Variants in SAMTOR observed in about 807,000 individuals in gnomAD.
The protein encoded by SAMTOR is UPF0532 protein C7orf60.
chr7:112,864,141 G>A, the SAMTOR span, among the ~76,000 whole-genome samples: 2 of 152,112 alleles, frequency 1.3e-5, no homozygotes, highest in Admixed American at 6.5e-5. Context: ...AACTAACGCA[G>A]GAACAGAAAA....
At chr7:112,887,227 C>T in the SAMTOR span, among the ~76,000 whole-genome samples, 2 of 150,340 alleles carry the variant, frequency 1.3e-5, no homozygotes, top group African/African-American at 4.9e-5. Context: ...TTAAAAAGAT[C>T]GTATTAAACA....
the SAMTOR span, among the ~76,000 whole-genome samples, chr7:112,838,108 TGAGA>T: frequency 6.6e-6 from 1 of 151,876 alleles, no homozygotes; most frequent in African/African-American, 2.4e-5. Flanking sequence ...GGTGTTTGTG[TGAGA>T]GAGCGGAAAC....
At chr7:112,842,692 T>C in the SAMTOR span, among the ~76,000 whole-genome samples, 3 of 152,002 alleles carry the variant, frequency 2.0e-5, no homozygotes. Flanking sequence ...TGAAAGTGTA[T>C]GTAAATAAAC....
the SAMTOR span, among the ~76,000 whole-genome samples, chr7:112,867,288 G>A: frequency 6.6e-6 from 1 of 152,160 alleles, no homozygotes; most frequent in Non-Finnish European, 1.5e-5. Context: ...CACTGGACAC[G>A]TAATTGAAAA....
the SAMTOR span, among the ~76,000 whole-genome samples, chr7:112,907,587 T>A: frequency 6.8e-6 from 1 of 148,038 alleles, no homozygotes; most frequent in Non-Finnish European, 1.5e-5. Flanking sequence ...TATAAAGAGC[T>A]CCAAAAAAAT....
the SAMTOR span, among the ~76,000 whole-genome samples, chr7:112,839,970 ACAAT>A: frequency 6.6e-6 from 1 of 151,838 alleles, no homozygotes; most frequent in Non-Finnish European, 1.5e-5. Context: ...TCAGAGTCTG[ACAAT>A]CTATGTTTTA....
At chr7:112,901,143 AG>A in the SAMTOR span, among the ~76,000 whole-genome samples, 1 of 152,240 alleles carries the variant, frequency 6.6e-6, no homozygotes, top group Non-Finnish European at 1.5e-5. Flanking sequence ...CATACATATC[AG>A]GGGTCCCCAA....
the SAMTOR span, among the ~76,000 whole-genome samples, chr7:112,927,457 A>C: frequency 2.8e-4 from 42 of 152,202 alleles, no homozygotes; most frequent in South Asian, 8.7e-3. Flanking sequence ...TGAATTAATA[A>C]TTAGCCTTAT....
chr7:112,873,339 C>A, the SAMTOR span, among the ~76,000 whole-genome samples: 12 of 152,190 alleles, frequency 7.9e-5, no homozygotes, highest in African/African-American at 2.9e-4. Flanking sequence ...CTACAGTATG[C>A]AAAATAGCAT....
chr7:112,887,533 TA>T, the SAMTOR span, among the ~76,000 whole-genome samples: 1 of 152,154 alleles, frequency 6.6e-6, no homozygotes, highest in Non-Finnish European at 1.5e-5. Context: ...CTTCCTTCCT[TA>T]AATGTCTGGT....
chr7:112,876,251 C>T, the SAMTOR span, among the ~76,000 whole-genome samples: 1 of 152,122 alleles, frequency 6.6e-6, no homozygotes, highest in Non-Finnish European at 1.5e-5. Context: ...TGCACCACTG[C>T]ACCTGGACTG....
At chr7:112,926,345 T>C in the SAMTOR span, among the ~76,000 whole-genome samples, 1 of 152,154 alleles carries the variant, frequency 6.6e-6, no homozygotes, top group Non-Finnish European at 1.5e-5. Context: ...AGCTATAAGA[T>C]GCAAAGAACT....
the SAMTOR span, among the ~76,000 whole-genome samples, chr7:112,832,012 CTTT>C: frequency 1.5e-4 from 20 of 131,062 alleles, no homozygotes; most frequent in African/African-American, 4.2e-4. Context: ...ACTGAAGTTT[CTTT>C]TTTTTTTTTT....
chr7:112,924,680 ATTAAC>A, the SAMTOR span, among the ~76,000 whole-genome samples: 1 of 152,216 alleles, frequency 6.6e-6, no homozygotes, highest in Non-Finnish European at 1.5e-5. Context: ...GGCAATAACT[ATTAAC>A]TTAAAAAAAG....
chr7:112,833,160 T>C, the SAMTOR span, among the ~76,000 whole-genome samples: 2 of 152,178 alleles, frequency 1.3e-5, no homozygotes, highest in Non-Finnish European at 2.9e-5. Context: ...TGAATTCTAA[T>C]ATCTGCTTTT....
chr7:112,939,855 A>G, the SAMTOR span: 32 of 863,196 alleles, frequency 3.7e-5, no homozygotes, highest in South Asian at 5.3e-4. Context: ...CAGCCAGAGG[A>G]GGCAGAGGAA....
the SAMTOR span, among the ~76,000 whole-genome samples, chr7:112,912,149 G>T: frequency 6.6e-6 from 1 of 151,980 alleles, no homozygotes; most frequent in Non-Finnish European, 1.5e-5. Context: ...TGACGGTGTT[G>T]TGGTTATGTA....
chr7:112,826,226 G>T, the SAMTOR span, among the ~76,000 whole-genome samples: 3 of 152,120 alleles, frequency 2.0e-5, no homozygotes, highest in Non-Finnish European at 2.9e-5. Context: ...TTATGGAAGA[G>T]AATATATATA....
chr7:112,906,358 T>G, the SAMTOR span, among the ~76,000 whole-genome samples: 1 of 152,194 alleles, frequency 6.6e-6, no homozygotes, highest in East Asian at 1.9e-4. Flanking sequence ...AGTCCATATA[T>G]TTCCACTGTT....
Sources: gnomAD v4.1 joint callset for allele counts (sites outside exome capture counted in the v4.1 genomes callset) on GRCh38, gnomAD v4.1.1 for gene constraint, MANE v1.5 for transcripts, NCBI Gene and HGNC (gene_info 2026-07-23, HGNC 2026-07-21) for gene names.